Variants in ATP13A4 observed in about 807,000 individuals in gnomAD.
ATP13A4 encodes the protein probable cation-transporting ATPase 13A4.
ATP13A4 carries 114 observed loss-of-function variants against 142.5 expected under a neutral mutation model. The observed-to-expected ratio is 0.80, with a 90% CI of 0.69 to 0.93. ATP13A4 has a LOEUF of 0.93. Ranked by LOEUF, ATP13A4 falls within the 40% of genes least tolerant of loss-of-function variation. The pLI, the probability that ATP13A4 is intolerant of heterozygous loss-of-function variation, is 0.00. For missense variants in ATP13A4, 1,392 were observed against 1,454.0 expected (o/e 0.96, Z 0.69); for synonymous variants, 488 against 514.8 (o/e 0.95, Z 0.70).
At chr3:193,582,916 A>T (rs1384226226) in intron 1 of ATP13A4, among the ~76,000 whole-genome samples, 1 of 61,480 alleles carries the variant, frequency 1.6e-5, no homozygotes, top group Non-Finnish European at 2.6e-5. Flanking sequence ...TATATAAAAT[A>T]TATATGTATA....
intron 8 of ATP13A4, among the ~76,000 whole-genome samples, chr3:193,476,842 C>T (rs1417216414): frequency 6.6e-6 from 1 of 152,040 alleles, no homozygotes; most frequent in Admixed American, 6.6e-5. Flanking sequence ...TGCTATCTTA[C>T]ATGAGCATGG....
intron 14 of ATP13A4, 89 bp from the exon 15 acceptor site, chr3:193,457,554 C>T (rs755728618): frequency 6.5e-5 from 75 of 1,151,628 alleles, no homozygotes; most frequent in Non-Finnish European, 9.3e-5. Flanking sequence ...TGAGAAGATC[C>T]TCAGACCACC....
chr3:193,445,497 C>T (rs12631648), intron 18 of ATP13A4, among the ~76,000 whole-genome samples: 2,028 of 151,736 alleles, frequency 0.013, 41 homozygotes, highest in African/African-American at 0.039. Context: ...GGACTCATGC[C>T]TATAATCCCA....
At chr3:193,492,200 G>T (rs1353946375) in intron 5 of ATP13A4, among the ~76,000 whole-genome samples, 1 of 152,206 alleles carries the variant, frequency 6.6e-6, no homozygotes, top group Non-Finnish European at 1.5e-5. Context: ...AGGTGATGCT[G>T]ATTCTGCTAG....
At chr3:193,474,586 A>T (rs1282607915) in intron 8 of ATP13A4, among the ~76,000 whole-genome samples, 2 of 148,128 alleles carry the variant, frequency 1.4e-5, no homozygotes, top group Non-Finnish European at 3.0e-5. Flanking sequence ...GGAAAGAAAG[A>T]AGGAAAGAAA....
chr3:193,442,726 G>T (rs1355700765), intron 18 of ATP13A4, among the ~76,000 whole-genome samples, 170 bp from the exon 19 acceptor site: 2 of 152,154 alleles, frequency 1.3e-5, no homozygotes, highest in African/African-American at 4.8e-5. Flanking sequence ...TCCCTTTTCT[G>T]GTTCTTACTG....
chr3:193,577,013 G>A (rs765849528), intron 2 of ATP13A4, among the ~76,000 whole-genome samples: 5 of 152,168 alleles, frequency 3.3e-5, no homozygotes, highest in South Asian at 2.1e-4. Flanking sequence ...ACTCAGCCAC[G>A]TAAGCTCAGA....
intron 1 of ATP13A4, among the ~76,000 whole-genome samples, chr3:193,534,318 G>A (rs1722483376): frequency 6.6e-6 from 1 of 152,070 alleles, no homozygotes; most frequent in Admixed American, 6.6e-5. Context: ...AAAGTTTCAA[G>A]TTTTAATGTT....
chr3:193,588,054 G>T (rs111774231), intron 1 of ATP13A4, among the ~76,000 whole-genome samples: 2 of 152,096 alleles, frequency 1.3e-5, no homozygotes, highest in East Asian at 3.9e-4. Context: ...GACCACTTGA[G>T]CCCAGGAGTT....
intron 17 of ATP13A4, 134 bp from the exon 18 acceptor site, chr3:193,448,464 T>C: frequency 8.8e-7 from 1 of 1,139,266 alleles, no homozygotes; most frequent in South Asian, 1.3e-5. Context: ...GCTTCCCAAG[T>C]AACTGGGATT....
At chr3:193,508,901 C>T (rs1334967009) in intron 2 of ATP13A4, among the ~76,000 whole-genome samples, 1 of 151,988 alleles carries the variant, frequency 6.6e-6, no homozygotes, top group African/African-American at 2.4e-5. Flanking sequence ...TAACTAAGTC[C>T]TGCTGTGGCC....
intron 1 of ATP13A4, among the ~76,000 whole-genome samples, chr3:193,517,503 C>T (rs1577043137): frequency 6.6e-6 from 1 of 152,120 alleles, no homozygotes; most frequent in Non-Finnish European, 1.5e-5. Context: ...TATTTTGAGA[C>T]GGAGTTTCGC....
At chr3:193,492,861 T>A in intron 5 of ATP13A4, 56 bp downstream of exon 5, 1 of 1,291,618 alleles carries the variant, frequency 7.7e-7, no homozygotes, top group Non-Finnish European at 1.1e-6. Flanking sequence ...AGCTGTCTAT[T>A]TGGCTAACTG....
chr3:193,429,400 C>G (rs1268413877), intron 25 of ATP13A4, among the ~76,000 whole-genome samples: 1 of 151,976 alleles, frequency 6.6e-6, no homozygotes, highest in Non-Finnish European at 1.5e-5. Context: ...CACCCAAGTC[C>G]ATCAACAAAT....
intron 1 of ATP13A4, among the ~76,000 whole-genome samples, chr3:193,550,305 GTTTTTTTTT>G (rs66816945): frequency 7.6e-6 from 1 of 131,988 alleles, no homozygotes; most frequent in African/African-American, 2.8e-5. Flanking sequence ...TGAATTTTAG[GTTTTTTTTT>G]TTTTTTTTTT....
chr3:193,500,159 C>G (rs1032428741), intron 3 of ATP13A4, among the ~76,000 whole-genome samples: 2 of 152,108 alleles, frequency 1.3e-5, no homozygotes, highest in Admixed American at 1.3e-4. Flanking sequence ...GAAATTCAGA[C>G]CAGGAAACAG....
chr3:193,461,648 T>C (rs1717950980), intron 13 of ATP13A4, among the ~76,000 whole-genome samples: 1 of 152,196 alleles, frequency 6.6e-6, no homozygotes, highest in Admixed American at 6.5e-5. Context: ...ATAAATTACA[T>C]GTCATAATGC....
At chr3:193,493,474 C>A (rs1343524223) in intron 3 of ATP13A4, among the ~76,000 whole-genome samples, 3 of 151,826 alleles carry the variant, frequency 2.0e-5, no homozygotes, top group Non-Finnish European at 4.4e-5. Flanking sequence ...GCATACAGTC[C>A]AATATGTACC....
chr3:193,494,218 T>C (rs943360029), intron 3 of ATP13A4, among the ~76,000 whole-genome samples: 1 of 151,876 alleles, frequency 6.6e-6, no homozygotes, highest in African/African-American at 2.4e-5. Context: ...AAAGAACAAA[T>C]CATTCAGACA....
Sources: allele counts gnomAD v4.1 joint callset (sites outside exome capture counted in the v4.1 genomes callset), GRCh38; gene constraint gnomAD v4.1.1; transcripts MANE v1.5; gene names NCBI Gene and HGNC (gene_info 2026-07-23, HGNC 2026-07-21).